Variants in CHKA observed in about 807,000 individuals in gnomAD.
CHKA encodes CHETK-alpha.
Under a neutral mutation model 60.1 loss-of-function variants are expected in CHKA, and 34 were observed. That is an observed-to-expected ratio of 0.57 (90% CI 0.43 to 0.75). The LOEUF is 0.75. Ranked by LOEUF, CHKA falls within the 30% of genes least tolerant of loss-of-function variation. CHKA has a pLI of 0.00. For synonymous variants in CHKA, 217 were observed against 223.1 expected, an observed-to-expected ratio of 0.97 and a Z score of 0.24; for missense variants, 563 against 561.3, an observed-to-expected ratio of 1.00 and a Z score of -0.03.
At chr11:68,077,177 T>C (rs921590324) in intron 3 of CHKA, among the ~76,000 whole-genome samples, 3 of 151,232 alleles carry the variant, frequency 2.0e-5, no homozygotes, top group African/African-American at 4.9e-5. Context: ...GAGGCAGAGG[T>C]TGCAGTGAGC....
chr11:68,055,488 G>C (rs1029972301), intron 11 of CHKA, among the ~76,000 whole-genome samples: 5 of 152,104 alleles, frequency 3.3e-5, no homozygotes, highest in African/African-American at 1.2e-4. Flanking sequence ...TCCCCAGGAG[G>C]GCTGCTGGGT....
chr11:68,084,399 T>C (rs1857106912), intron 2 of CHKA, among the ~76,000 whole-genome samples: 1 of 119,946 alleles, frequency 8.3e-6, no homozygotes, highest in African/African-American at 3.1e-5. Flanking sequence ...TACACACATA[T>C]ACGTATATAT....
rs1220753003 is a variant in CHKA, at chr11:68,078,677, T to C, written c.516+2727A>G. Among the ~76,000 whole-genome samples, 5 of 152,284 alleles carry C rather than the reference T, an allele frequency of 3.3e-5. No individual in the cohort carries two copies. The South Asian group carries it at 6.2e-4, about 19-fold the overall frequency. ...ATTTCTGTGGTATTTCAGCCAAAAA[T>C]GCATAACCTCAATTGTGAGAAAACA... On this transcript the variant is annotated intron_variant, in intron 3 of 11. Coordinates refer to ENST00000265689, the MANE Select transcript of CHKA (RefSeq NM_001277.3).
intron 1 of CHKA, among the ~76,000 whole-genome samples, chr11:68,111,138 G>A (rs1482117485): frequency 3.3e-5 from 5 of 151,770 alleles, no homozygotes; most frequent in South Asian, 2.1e-4. Context: ...TAGGCCAGGC[G>A]CGGTGGCTCA....
chr11:68,090,424 T>G (rs1857314197), intron 2 of CHKA, among the ~76,000 whole-genome samples: 2 of 152,208 alleles, frequency 1.3e-5, no homozygotes, highest in South Asian at 4.1e-4. Context: ...GGGACATGAC[T>G]CCTTCAAGGA....
intron 11 of CHKA, among the ~76,000 whole-genome samples, chr11:68,054,868 T>A (rs1227410907): frequency 6.6e-6 from 1 of 152,192 alleles, no homozygotes; most frequent in Non-Finnish European, 1.5e-5. Flanking sequence ...TATCTGTCAC[T>A]ATGGACTGGA....
chr11:68,108,317 C>T (rs1857994257), intron 1 of CHKA, among the ~76,000 whole-genome samples: 1 of 151,912 alleles, frequency 6.6e-6, no homozygotes, highest in Non-Finnish European at 1.5e-5. Flanking sequence ...AAGACCCTGT[C>T]TCAAAAAGAA....
At position 68,120,959 on chromosome 11, in the gene CHKA, CG is replaced by C; in HGVS notation, c.218del (p.Pro73ArgfsTer82). 3 of 1,155,022 alleles carry C rather than the reference CG, an allele frequency of 2.6e-6. No homozygotes were observed. The highest frequency in any genetic ancestry group is 3.2e-6 in the Non-Finnish European group (3 of 935,838). The allele number at this position is 1,155,022 out of a possible 1,614,324, so 71.5% of individuals were successfully genotyped here. ...LPLPLPLPQP[P>X]PPQPPADEQP... is the part of the protein sequence containing the mutation. Reference sequence around the variant, plus strand: ...GCTCGTCTGCGGGCGGCTGCGGCGGCGGGGGCTGGGGCAGCGGCAGCGGCAG... The same window carrying C: ...GCTCGTCTGCGGGCGGCTGCGGCGGCGGGGCTGGGGCAGCGGCAGCGGCAG... On this transcript the variant is annotated frameshift_variant, in exon 1 of 12. Coordinates refer to ENST00000265689, the MANE Select transcript of CHKA (RefSeq NM_001277.3). LOFTEE classifies it high-confidence loss of function.
At position 68,061,924 on chromosome 11, in the gene CHKA, A is replaced by T. The variant is rs1157091068; in HGVS notation, c.1314+29T>A. 4 of 1,501,866 alleles carry T rather than the reference A, an allele frequency of 2.7e-6. No individual in the cohort carries two copies. In the African/African-American group the frequency reaches 5.6e-5, roughly 21 times the overall value. 93.0% of individuals were successfully genotyped at this position (1,501,866 alleles called of 1,614,324 possible). ...TTTTTACCTGGGAGTAGGAAGAAAAAAAAAAACAAAAACGCTGCTAAAACA... is the reference window on the plus strand; with the variant it reads ...TTTTTACCTGGGAGTAGGAAGAAAATAAAAAACAAAAACGCTGCTAAAACA... On this transcript the variant is annotated intron_variant, in intron 11 of 11. Coordinates refer to ENST00000265689, the MANE Select transcript of CHKA (RefSeq NM_001277.3).
chr11:68,109,016 AG>A lies in CHKA; in HGVS notation c.350+11811del, dbSNP rs997012017. 7.5e-5 allele frequency among the ~76,000 whole-genome samples: 7 copies of A among 93,406 alleles called. No homozygotes were observed. In the East Asian group the frequency reaches 1.8e-3, roughly 24 times the overall value. The allele number at this position is 93,406 out of a possible 152,430, so 61.3% of individuals were successfully genotyped here. On this transcript the variant is annotated intron_variant, in intron 1 of 11. Coordinates refer to ENST00000265689, the MANE Select transcript of CHKA (RefSeq NM_001277.3). ...TACGAGTTCCTTACAGTGAAAACTG[AG>A]GGGGGGAAAAAATCCCTTCATGCTT...
chr11:68,064,208 A>C (rs757443358), intron 10 of CHKA, among the ~76,000 whole-genome samples: 1 of 152,216 alleles, frequency 6.6e-6, no homozygotes, highest in Non-Finnish European at 1.5e-5. Flanking sequence ...GGAGTTCAAG[A>C]CTAGCCTGGC....
intron 6 of CHKA, among the ~76,000 whole-genome samples, chr11:68,069,534 A>C (rs1856547851): frequency 6.6e-6 from 1 of 152,006 alleles, no homozygotes; most frequent in African/African-American, 2.4e-5. Flanking sequence ...AAATACAAAA[A>C]TTAGCTGGGT....
chr11:68,110,583 T>C (rs892704928), intron 1 of CHKA, among the ~76,000 whole-genome samples: 1 of 152,196 alleles, frequency 6.6e-6, no homozygotes, highest in Non-Finnish European at 1.5e-5. Flanking sequence ...TATTGAGTCA[T>C]GGGTAGGAAG....
intron 2 of CHKA, among the ~76,000 whole-genome samples, chr11:68,092,552 G>C (rs1430140657): frequency 6.6e-6 from 1 of 152,194 alleles, no homozygotes; most frequent in African/African-American, 2.4e-5. Context: ...GCTGTTGCCT[G>C]GCTCGCATCT....
chr11:68,068,149 C>T (rs1856500801), intron 7 of CHKA, among the ~76,000 whole-genome samples: 1 of 152,182 alleles, frequency 6.6e-6, no homozygotes, highest in South Asian at 2.1e-4. Context: ...ATTAATAGCA[C>T]AGTGCACTGA....
chr11:68,119,759 C>T (rs1279071674), intron 1 of CHKA, among the ~76,000 whole-genome samples: 1 of 152,118 alleles, frequency 6.6e-6, no homozygotes, highest in Non-Finnish European at 1.5e-5. Context: ...TGAGCCACTG[C>T]GCCCGGCCCG....
At chr11:68,073,650 G>A (rs1388762108) in intron 4 of CHKA, among the ~76,000 whole-genome samples, 3 of 152,086 alleles carry the variant, frequency 2.0e-5, no homozygotes, top group African/African-American at 7.2e-5. Flanking sequence ...CCTCTTCTGG[G>A]GAGACAGAGC....
At position 68,121,144 on chromosome 11, in the gene CHKA, C is replaced by T; in HGVS notation, c.34G>A (p.Glu12Lys). ...KTKFCTGGEA[E>K]PSPLGLLLSC... ...AGCAGCAGCCCGAGCGGCGAGGGCT[C>T]CGCCTCGCCCCCGGTGCAGAATTTG... The change falls in exon 1 of 12, where the codon GAG becomes AAG. Residue 12 changes from glutamate to lysine, a missense_variant. Physicochemically the swap from Glu to Lys is moderately conservative, Grantham distance 56 (BLOSUM62 1). Coordinates refer to ENST00000265689, the MANE Select transcript of CHKA (RefSeq NM_001277.3). 8.3e-7 allele frequency: 1 copy of T among 1,209,256 alleles called. No homozygotes were observed. The highest frequency in any genetic ancestry group is 1.0e-6 in the Non-Finnish European group (1 of 965,786). 74.9% of individuals were successfully genotyped at this position (1,209,256 alleles called of 1,614,324 possible). A position where few individuals can be genotyped will look rare whatever the true frequency, so the allele number is the denominator to read the frequency against.
intron 3 of CHKA, 50 bp downstream of exon 3, chr11:68,081,354 C>G (rs774533247): frequency 1.3e-6 from 2 of 1,503,700 alleles, no homozygotes; most frequent in South Asian, 2.3e-5. Context: ...CGAAGGGTGG[C>G]TAACACTAGT....
Sources: gnomAD v4.1 joint callset for allele counts (sites outside exome capture counted in the v4.1 genomes callset) on GRCh38, gnomAD v4.1.1 for gene constraint, MANE v1.5 for transcripts, NCBI Gene and HGNC (gene_info 2026-07-23, HGNC 2026-07-21) for gene names.